WWOX: variants seen among roughly 807,000 people sequenced by gnomAD.
The protein encoded by WWOX is WW domain-containing oxidoreductase.
A neutral mutation model predicts 46.2 loss-of-function variants in WWOX; 69 were observed. That is an observed-to-expected ratio of 1.49 (90% CI 1.23 to 1.82). The LOEUF (loss-of-function observed/expected upper bound fraction) is 1.82, where lower values mean the gene tolerates loss of function less well. Among genes scored for constraint, WWOX ranks in the 40% most tolerant of loss-of-function variants. The pLI is 0.00. For synonymous variants in WWOX, 359 were observed against 202.6 expected (o/e 1.77, Z -6.56); for missense variants, 919 against 542.6 (o/e 1.69, Z -6.89).
intron 8 of WWOX, among the ~76,000 whole-genome samples, chr16:79,133,163 T>C (rs913229811): frequency 2.0e-5 from 3 of 152,228 alleles, no homozygotes; most frequent in African/African-American, 7.2e-5. Flanking sequence ...ATTTTCTTTT[T>C]AACAACTTTA....
rs562097606 is a variant in WWOX at position 78,379,551 on chromosome 16, T to G, written c.517-7309T>G. On this transcript the variant is annotated intron_variant, in intron 5 of 8. Coordinates refer to ENST00000566780, the MANE Select transcript of WWOX (RefSeq NM_016373.4). ...GAGCTGCTGCTTTGTGCTGCTAGAT[T>G]TGCCAAAAGTCTGTGCCAGGGATTC... Among the ~76,000 whole-genome samples the G allele has an allele frequency of 4.5e-4, 69 of 152,310 alleles. No homozygotes were observed. In the South Asian group the frequency reaches 6.2e-3, roughly 14 times the overall value.
chr16:78,591,474 A>C (rs2045350487), intron 8 of WWOX, among the ~76,000 whole-genome samples: 1 of 152,108 alleles, frequency 6.6e-6, no homozygotes, highest in Admixed American at 6.6e-5. Flanking sequence ...CTTCCCTCTC[A>C]TGTATCTCTA....
rs150096678 is a variant in WWOX at position 78,913,781 on chromosome 16, C to T, written c.1057-297827C>T. On this transcript the variant is annotated intron_variant, in intron 8 of 8. Transcript: ENST00000566780. ...GGCTGAAGCCATCCTCCCACCGTAG[C>T]CTCCTGAATAGCTGGGACTAAAGTG... Among the ~76,000 whole-genome samples, 755 of 151,946 alleles carry T rather than the reference C, an allele frequency of 5.0e-3. 9 individuals are homozygous for T. The highest frequency in any genetic ancestry group is 0.017 in the African/African-American group (718 of 41,466).
At chr16:78,497,231 C>G (rs925866953) in intron 8 of WWOX, among the ~76,000 whole-genome samples, 2 of 62,676 alleles carry the variant, frequency 3.2e-5, no homozygotes, top group Admixed American at 5.4e-4. Context: ...AGCACATACT[C>G]ATTTTTTTGC....
chr16:78,288,359 C>T (rs1369229020), intron 5 of WWOX, among the ~76,000 whole-genome samples: 1 of 150,954 alleles, frequency 6.6e-6, no homozygotes, highest in African/African-American at 2.4e-5. Context: ...TGATGAGGGC[C>T]AGGACCTCAT....
intron 8 of WWOX, among the ~76,000 whole-genome samples, chr16:78,763,108 C>G (rs2049833457): frequency 6.6e-6 from 1 of 152,162 alleles, no homozygotes. Context: ...TGCCAAAGCA[C>G]TATTGTAGGC....
intron 6 of WWOX, among the ~76,000 whole-genome samples, chr16:78,393,861 G>C (rs374582793): frequency 1.3e-5 from 2 of 151,522 alleles, no homozygotes; most frequent in East Asian, 1.9e-4. Flanking sequence ...TAAAAAAAAG[G>C]TTAAAATAAC....
intron 8 of WWOX, among the ~76,000 whole-genome samples, chr16:78,816,045 C>A (rs1044474474): frequency 6.6e-6 from 1 of 152,190 alleles, no homozygotes; most frequent in Non-Finnish European, 1.5e-5. Context: ...CAGAACATGG[C>A]AGAAACATTC....
At chr16:79,206,346 T>C (rs1410771577) in intron 8 of WWOX, 1 of 152,154 alleles carries the variant, frequency 6.6e-6, no homozygotes, top group African/African-American at 2.4e-5. Context: ...GGGGAGCAGG[T>C]TTCATGTACC....
intron 8 of WWOX, among the ~76,000 whole-genome samples, chr16:79,030,600 G>T (rs2047733643): frequency 6.6e-6 from 1 of 152,178 alleles, no homozygotes; most frequent in East Asian, 1.9e-4. Flanking sequence ...TTAAGGTTTG[G>T]CTTCTCCAAA....
intron 8 of WWOX, among the ~76,000 whole-genome samples, chr16:78,461,532 C>G (rs936933679): frequency 6.6e-6 from 1 of 152,184 alleles, no homozygotes; most frequent in Non-Finnish European, 1.5e-5. Flanking sequence ...CAAACAGATC[C>G]TTTCGCAAGG....
rs184280834 is a variant in WWOX at position 78,749,468 on chromosome 16, C to T, written c.1056+316716C>T. Among the ~76,000 whole-genome samples, 278 of 152,170 alleles carry T rather than the reference C, an allele frequency of 1.8e-3. 1 individual carries two copies. Among genetic ancestry groups the T allele is most frequent in the Admixed American group, 3.6e-3 (55 of 15,276 alleles). ...AATAGTCAAACTGAGGTTTTGGGTTCTGGTGATAGAATATTAAATCATAAT... is the reference window on the plus strand; with the variant it reads ...AATAGTCAAACTGAGGTTTTGGGTTTTGGTGATAGAATATTAAATCATAAT... On this transcript the variant is annotated intron_variant, in intron 8 of 8. Transcript: ENST00000566780.
chr16:78,985,542 G>C (rs1430638052), intron 8 of WWOX, among the ~76,000 whole-genome samples: 3 of 152,082 alleles, frequency 2.0e-5, no homozygotes, highest in South Asian at 2.1e-4. Flanking sequence ...GCCAAGGTGG[G>C]AGGATCACTT....
intron 5 of WWOX, among the ~76,000 whole-genome samples, chr16:78,304,564 T>C (rs1215284133): frequency 6.6e-6 from 1 of 152,208 alleles, no homozygotes; most frequent in Non-Finnish European, 1.5e-5. Context: ...CACTTCACAA[T>C]ATTTCATAGA....
intron 5 of WWOX, among the ~76,000 whole-genome samples, chr16:78,354,744 ATTTTG>A (rs1486029172): frequency 1.3e-5 from 2 of 151,864 alleles, no homozygotes; most frequent in Non-Finnish European, 2.9e-5. Flanking sequence ...ATTCTGTTAA[ATTTTG>A]TTTTCTATTT....
At chr16:78,998,308 C>A (rs576048136) in intron 8 of WWOX, among the ~76,000 whole-genome samples, 1 of 152,196 alleles carries the variant, frequency 6.6e-6, no homozygotes, top group African/African-American at 2.4e-5. Flanking sequence ...GGCTGCTCTT[C>A]TCCCTTCTCC....
At chr16:78,599,464 C>G (rs2045570293) in intron 8 of WWOX, among the ~76,000 whole-genome samples, 1 of 152,198 alleles carries the variant, frequency 6.6e-6, no homozygotes, top group Non-Finnish European at 1.5e-5. Context: ...TCAGTTCAAT[C>G]AGGCAGCCCC....
chr16:79,158,870 C>T (rs1444778583), intron 8 of WWOX, among the ~76,000 whole-genome samples: 1 of 152,228 alleles, frequency 6.6e-6, no homozygotes, highest in African/African-American at 2.4e-5. Flanking sequence ...TTTGTGACAA[C>T]AAGGACCTAG....
In WWOX at chr16:78,864,630, C is replaced by G. The variant is rs375624390; in HGVS notation, c.1057-346978C>G. Among the ~76,000 whole-genome samples, 221 of 152,060 alleles carry G rather than the reference C, an allele frequency of 1.5e-3. 1 individual carries two copies. In the East Asian group the frequency reaches 0.021, roughly 15 times the overall value. On this transcript the variant is annotated intron_variant, in intron 8 of 8. Coordinates refer to ENST00000566780, the MANE Select transcript of WWOX (RefSeq NM_016373.4). ...CTCCATGATGTGATTCTGGCTGTGTCTGTTGAGGTCCCATTGGGCCCAGCT... is the reference window on the plus strand; with the variant it reads ...CTCCATGATGTGATTCTGGCTGTGTGTGTTGAGGTCCCATTGGGCCCAGCT...
Sources: gnomAD v4.1 joint callset for allele counts (sites outside exome capture counted in the v4.1 genomes callset) on GRCh38, gnomAD v4.1.1 for gene constraint, MANE v1.5 for transcripts, NCBI Gene and HGNC (gene_info 2026-07-23, HGNC 2026-07-21) for gene names.